TPGS2: variants seen among roughly 807,000 people sequenced by gnomAD.
TPGS2 encodes the protein polyglutamylase subunit 2.
Under a neutral mutation model 31.1 loss-of-function variants are expected in TPGS2, and 26 were observed. The observed-to-expected ratio is 0.84, with a 90% CI of 0.61 to 1.16. The LOEUF is 1.16. Ranked by LOEUF, TPGS2 falls within the 50% of genes most tolerant of loss-of-function variation. The pLI, the probability that TPGS2 is intolerant of heterozygous loss-of-function variation, is 0.00. For missense variants in TPGS2, 351 were observed against 363.8 expected (o/e 0.96, Z 0.29); for synonymous variants, 130 against 136.6 (o/e 0.95, Z 0.34).
At position 36,795,253 on chromosome 18, in the gene TPGS2, C is replaced by T; in HGVS notation, c.*1552G>A. ...AATCCTGTGGACTGCTCTTAGTTCC[C>T]CAGTGGGTTTGGAAGAGGGAAACCC... On this transcript the variant is annotated 3_prime_UTR_variant, in exon 7 of 7. Coordinates refer to ENST00000334295, the MANE Select transcript of TPGS2 (RefSeq NM_015476.4). The T allele has an allele frequency of 1.0e-6, 1 of 985,380 alleles. No homozygotes were observed. Among genetic ancestry groups the T allele is most frequent in the Non-Finnish European group, 1.2e-6 (1 of 829,942 alleles). The allele number at this position is 985,380 out of a possible 1,614,324, so 61.0% of individuals were successfully genotyped here.
intron 6 of TPGS2, among the ~76,000 whole-genome samples, chr18:36,784,743 C>T (rs759134049): frequency 3.3e-5 from 5 of 152,190 alleles, no homozygotes; most frequent in African/African-American, 4.8e-5. Flanking sequence ...GAGGATGAGA[C>T]ATATTGAATA....
At chr18:36,822,680 G>A (rs1476456954) in intron 1 of TPGS2, among the ~76,000 whole-genome samples, 1 of 152,070 alleles carries the variant, frequency 6.6e-6, no homozygotes, top group Non-Finnish European at 1.5e-5. Flanking sequence ...CTTCAGCCTC[G>A]AACTTCTGGG....
Position 36,798,570 on chromosome 18 carries a change from G to A in TPGS2, c.536C>T (p.Ala179Val), listed in dbSNP as rs758318073. 34 of 1,614,160 alleles carry A rather than the reference G, an allele frequency of 2.1e-5. No individual in the cohort carries two copies. Among genetic ancestry groups the A allele is most frequent in the Admixed American group, 3.3e-5 (2 of 60,016 alleles). The change falls in exon 6 of 7, where the codon GCG (alanine) becomes GTG (valine). Residue 179 changes from alanine (A) to valine (V), a missense_variant. By Grantham distance (64) the Ala-to-Val change is moderately conservative. Coordinates refer to ENST00000334295, the MANE Select transcript of TPGS2 (RefSeq NM_015476.4). ...EDTEIWFLDR[A>V]LYWHFLTDTF... ...GTCTGTGAGAAAATGCCAGTATAAC[G>A]CTCTGTCCAGGAACCAGATCTCAGT...
intron 3 of TPGS2, chr18:36,805,950 TA>T (rs11410523): frequency 4.0e-5 from 6 of 150,702 alleles, no homozygotes; most frequent in Non-Finnish European, 8.9e-5. Flanking sequence ...CTTTCATGAT[TA>T]AAAAAAAAAT....
chr18:36,800,049 C>T, intron 5 of TPGS2, 149 bp downstream of exon 5: 1 of 657,892 alleles, frequency 1.5e-6, no homozygotes, highest in Non-Finnish European at 2.7e-6. Flanking sequence ...CAGAGAGAAC[C>T]AAAGGGGTTT....
At chr18:36,821,843 G>A (rs72885226) in intron 1 of TPGS2, among the ~76,000 whole-genome samples, 18,436 of 152,210 alleles carry the variant, frequency 0.12, 1,389 homozygotes, top group Admixed American at 0.17. Context: ...ACCTCCTCCT[G>A]TTCCCCGCTG....
chr18:36,783,708 C>A (rs561974969), intron 6 of TPGS2, among the ~76,000 whole-genome samples: 14 of 152,314 alleles, frequency 9.2e-5, no homozygotes, highest in Admixed American at 7.8e-4. Flanking sequence ...CCCAAATCCA[C>A]TATTTCTGTG....
Position 36,805,452 on chromosome 18 carries a change from T to C in TPGS2, c.304A>G (p.Thr102Ala). The change falls in exon 4 of 7, where the codon ACT (threonine) becomes GCT (alanine). Residue 102 changes from threonine (T) to alanine (A), a missense_variant. Transcript: ENST00000334295. ...TACATGGAAGACTGGGTGAGCTGAG[T>C]CAGTTTTGAGATGCTGTTAATTGCC... is the stretch of plus-strand genomic sequence containing the variant. The part of the protein sequence containing the change: ...SMAINSISKL[T>A]QLTQSSMYSL... The C allele has an allele frequency of 6.2e-7, 1 of 1,613,928 alleles. No individual in the cohort carries two copies. The highest frequency in any genetic ancestry group is 2.2e-5 in the East Asian group (1 of 44,864).
intron 3 of TPGS2, among the ~76,000 whole-genome samples, chr18:36,806,734 C>G (rs1314379): frequency 6.6e-6 from 1 of 151,342 alleles, no homozygotes; most frequent in Admixed American, 6.6e-5. Flanking sequence ...GCCTGTAATC[C>G]CAGCTACTCA....
At chr18:36,799,883 G>A (rs2044719807) in intron 5 of TPGS2, among the ~76,000 whole-genome samples, 1 of 152,172 alleles carries the variant, frequency 6.6e-6, no homozygotes, top group South Asian at 2.1e-4. Context: ...TTTTCTGGAT[G>A]CTTATCTAGT....
intron 1 of TPGS2, 127 bp downstream of exon 1, chr18:36,828,556 G>C: frequency 4.0e-6 from 4 of 1,006,516 alleles, no homozygotes; most frequent in South Asian, 3.1e-5. Flanking sequence ...TGTAACAACG[G>C]AAGTCCCAGC....
In TPGS2 at chr18:36,796,622, A is replaced by C; in HGVS notation, c.*183T>G. On this transcript the variant is annotated 3_prime_UTR_variant, in exon 7 of 7. Coordinates refer to ENST00000334295, the MANE Select transcript of TPGS2 (RefSeq NM_015476.4). ...GCTTCCAGAGGCAGGGGACAGCACA[A>C]CCTGCTCTGGAGGCCTCACTACGAG... 7.3e-7 allele frequency: 1 copy of C among 1,369,078 alleles called. No homozygotes were observed. The highest frequency in any genetic ancestry group is 2.9e-5 in the East Asian group (1 of 34,276). 84.8% of individuals were successfully genotyped at this position (1,369,078 alleles called of 1,614,324 possible). A position where few individuals can be genotyped will look rare whatever the true frequency, so the allele number is the denominator to read the frequency against.
At chr18:36,813,234 T>C (rs72883597) in intron 2 of TPGS2, among the ~76,000 whole-genome samples, 18,440 of 151,816 alleles carry the variant, frequency 0.12, 1,384 homozygotes, top group Admixed American at 0.17. Context: ...GAGGGAAGAG[T>C]CTGCGAGGAA....
In TPGS2 at chr18:36,795,976, G is replaced by C. The variant is rs945578453; in HGVS notation, c.*829C>G. 1.1e-5 allele frequency: 11 copies of C among 985,328 alleles called. No individual in the cohort carries two copies. In the African/African-American group the frequency reaches 1.9e-4, roughly 17 times the overall value. The allele number at this position is 985,328 out of a possible 1,614,324, so 61.0% of individuals were successfully genotyped here. On this transcript the variant is annotated 3_prime_UTR_variant, in exon 7 of 7. Transcript: ENST00000334295. ...ATGGTAAGAATAAAGTATAGCAGAA[G>C]TACACCTTCTTTAAAAAGTTAATAA...
At chr18:36,798,425 C>T (rs1351762778) in intron 6 of TPGS2, 24 bp downstream of exon 6, 1 of 1,613,946 alleles carries the variant, frequency 6.2e-7, no homozygotes, top group Admixed American at 1.7e-5. Context: ...CCATAGTTTA[C>T]AATGGCAGGT....
intron 1 of TPGS2, chr18:36,823,938 G>A (rs1415725474): frequency 9.6e-6 from 8 of 837,670 alleles, no homozygotes; most frequent in Non-Finnish European, 1.0e-5. Context: ...TAGCTTTACT[G>A]AGACATAATT....
chr18:36,812,937 T>C (rs1370694240), intron 2 of TPGS2, among the ~76,000 whole-genome samples: 3 of 152,232 alleles, frequency 2.0e-5, no homozygotes, highest in Non-Finnish European at 4.4e-5. Flanking sequence ...TCTGTGTTGA[T>C]TGTTGCGGAG....
chr18:36,780,359 A>T (rs1472423833), downstream of TPGS2, among the ~76,000 whole-genome samples: 3 of 152,234 alleles, frequency 2.0e-5, no homozygotes, highest in Non-Finnish European at 2.9e-5. Context: ...CAAAAATGAG[A>T]GCAGCAGTTT....
At chr18:36,814,793 A>G (rs1296140942) in intron 2 of TPGS2, among the ~76,000 whole-genome samples, 6 of 152,216 alleles carry the variant, frequency 3.9e-5, no homozygotes, top group African/African-American at 1.4e-4. Context: ...TCTGAGGCAT[A>G]TTCTTCCTTA....
Sources: allele counts gnomAD v4.1 joint callset (sites outside exome capture counted in the v4.1 genomes callset), GRCh38; gene constraint gnomAD v4.1.1; transcripts MANE v1.5; gene names NCBI Gene and HGNC (gene_info 2026-07-23, HGNC 2026-07-21).